The following C2orf92 variants were observed in gnomAD, a reference collection of about 807,000 sequenced individuals.
C2orf92 encodes the protein chromosome 2 open reading frame 92.
At chr2:97,664,011 G>C (rs1675113765), upstream of C2orf92, 1 of 501,206 alleles carries the variant, frequency 2.0e-6, no homozygotes, top group Non-Finnish European at 3.0e-6. Flanking sequence ...CCCTCCCCGA[G>C]CCTGCAGCCT....
rs767094728 is a variant in C2orf92, at chr2:97,699,089, A to G, written c.467A>G (p.Gln156Arg). The G allele has an allele frequency of 5.0e-6, 2 of 398,620 alleles. No homozygotes were observed. Among genetic ancestry groups the G allele is most frequent in the Non-Finnish European group, 8.8e-6 (2 of 226,066 alleles). 24.7% of individuals were successfully genotyped at this position (398,620 alleles called of 1,614,324 possible). The change falls in exon 6 of 8, where the codon CAG becomes CGG. Residue 156 changes from glutamine to arginine, a missense_variant. Gln to Arg is a conservative substitution (Grantham distance 43, BLOSUM62 1). Transcript: ENST00000627399. ...SCLFDRDLRE[Q>R]LTTIDKETLQ... is the part of the protein sequence containing the mutation. The stretch of plus-strand genomic sequence containing the variant: ...CTGTTCGACAGGGATTTAAGAGAGC[A>G]GTTAACTACTATAGATAAAGAAACA...
intron 1 of C2orf92, chr2:97,672,166 G>C (rs1675437949): frequency 6.6e-6 from 1 of 151,888 alleles, no homozygotes; most frequent in Non-Finnish European, 1.5e-5. Flanking sequence ...CAGGAGTGAA[G>C]GTTGAGGGTC....
upstream of C2orf92, chr2:97,664,015 G>T: frequency 2.1e-6 from 1 of 472,486 alleles, no homozygotes; most frequent in Non-Finnish European, 3.2e-6. Flanking sequence ...CCCCGAGCCT[G>T]CAGCCTACGC....
intron 5 of C2orf92, among the ~76,000 whole-genome samples, 190 bp downstream of exon 5, chr2:97,690,517 A>C (rs1354221511): frequency 6.6e-6 from 1 of 151,552 alleles, no homozygotes. Context: ...AGTAGCTGTG[A>C]CTATGGGGGC....
chr2:97,678,856 T>C (rs187978729), intron 3 of C2orf92, among the ~76,000 whole-genome samples: 1 of 149,666 alleles, frequency 6.7e-6, no homozygotes, highest in Admixed American at 6.6e-5. Flanking sequence ...TGCACACCTG[T>C]AGTCCCAGCT....
chr2:97,700,319 G>A (rs996442103), intron 6 of C2orf92, among the ~76,000 whole-genome samples: 1 of 152,158 alleles, frequency 6.6e-6, no homozygotes, highest in African/African-American at 2.4e-5. Flanking sequence ...CTACACACAC[G>A]AGGCAGATTG....
intron 3 of C2orf92, among the ~76,000 whole-genome samples, chr2:97,677,933 G>A (rs1675635482): frequency 6.6e-6 from 1 of 152,170 alleles, no homozygotes; most frequent in South Asian, 2.1e-4. Flanking sequence ...TGAATACTTG[G>A]CACATGCCTG....
At chr2:97,686,527 C>T (rs1301189114) in intron 3 of C2orf92, among the ~76,000 whole-genome samples, 1 of 152,056 alleles carries the variant, frequency 6.6e-6, no homozygotes, top group East Asian at 1.9e-4. Context: ...TCAAGCGATT[C>T]TCTTGCCTCA....
chr2:97,680,603 T>G (rs1407843483), intron 3 of C2orf92, among the ~76,000 whole-genome samples: 1 of 152,142 alleles, frequency 6.6e-6, no homozygotes, highest in African/African-American at 2.4e-5. Context: ...GTTGGAGACT[T>G]CAGTATCCTC....
In C2orf92 at chr2:97,694,284, G is replaced by A. The variant is rs192257003; in HGVS notation, c.403+3957G>A. On this transcript the variant is annotated intron_variant, in intron 5 of 7. Transcript: ENST00000627399. ...TTTTGAGACAGAGCCTCACTCTATC[G>A]CCCAGGCTGCAGTGGCGCGATCTTG... 2.2e-3 allele frequency among the ~76,000 whole-genome samples: 320 copies of A among 142,580 alleles called. 6 individuals are homozygous for A. In the East Asian group the frequency reaches 0.024, roughly 11 times the overall value. The allele number at this position is 142,580 out of a possible 152,430, so 93.5% of individuals were successfully genotyped here. A position where few individuals can be genotyped will look rare whatever the true frequency, so the allele number is the denominator to read the frequency against.
At chr2:97,694,847 C>G (rs1390072264) in intron 5 of C2orf92, among the ~76,000 whole-genome samples, 2 of 152,134 alleles carry the variant, frequency 1.3e-5, no homozygotes, top group African/African-American at 4.8e-5. Context: ...GCATTCCTAC[C>G]AACAGCACAC....
chr2:97,666,156 C>T (rs1044402323), upstream of C2orf92, among the ~76,000 whole-genome samples: 5 of 151,932 alleles, frequency 3.3e-5, no homozygotes, highest in African/African-American at 1.2e-4. Flanking sequence ...GGATTTTGTC[C>T]TTGCAGGCAT....
chr2:97,702,687 G>A lies in C2orf92; in HGVS notation c.684G>A (p.Thr228=), dbSNP rs767870222. 1.0e-5 allele frequency: 4 copies of A among 398,804 alleles called. No individual in the cohort carries two copies. Among genetic ancestry groups the A allele is most frequent in the South Asian group, 1.3e-4 (1 of 7,850 alleles). 24.7% of individuals were successfully genotyped at this position (398,804 alleles called of 1,614,324 possible). A position where few individuals can be genotyped will look rare whatever the true frequency, so the allele number is the denominator to read the frequency against. ...KKQPSSPLAN[T]TYNIFIMDGK... ...GTTTTAGATCTCCTCTGGCAAACAC[G>A]ACATATAATATTTTTATAATGGATG... Residue 228 remains threonine, a synonymous_variant, in exon 8 of 8, where the codon ACG becomes ACA. Transcript: ENST00000627399.
intron 3 of C2orf92, among the ~76,000 whole-genome samples, chr2:97,676,879 C>T (rs1224285582): frequency 6.6e-6 from 1 of 152,160 alleles, no homozygotes; most frequent in Non-Finnish European, 1.5e-5. Flanking sequence ...TGATTCTAGG[C>T]TGTGACTCAT....
intron 1 of C2orf92, among the ~76,000 whole-genome samples, chr2:97,674,013 T>A (rs1190674885): frequency 6.6e-6 from 1 of 152,186 alleles, no homozygotes; most frequent in Non-Finnish European, 1.5e-5. Flanking sequence ...CTGGCTGCAA[T>A]TTCCTGAAAA....
chr2:97,668,983 C>T (rs1402131195), upstream of C2orf92: 2 of 151,762 alleles, frequency 1.3e-5, no homozygotes, highest in Non-Finnish European at 2.9e-5. Flanking sequence ...AGTTTTTACC[C>T]CTAAAAGATA....
chr2:97,702,924 T>C lies in C2orf92; in HGVS notation c.*123T>C, dbSNP rs887582213. On this transcript the variant is annotated 3_prime_UTR_variant, in exon 8 of 8. Coordinates refer to ENST00000627399, the MANE Select transcript of C2orf92 (RefSeq NM_001351368.2). ...AGGTGTATTCTACAAAAACGTCTGC[T>C]TCCCATCCCAATTTGAATGGACCAA... The C allele has an allele frequency of 5.0e-6, 2 of 396,504 alleles. No homozygotes were observed. Among genetic ancestry groups the C allele is most frequent in the Non-Finnish European group, 8.9e-6 (2 of 225,134 alleles). The allele number at this position is 396,504 out of a possible 1,614,324, so 24.6% of individuals were successfully genotyped here. A position where few individuals can be genotyped will look rare whatever the true frequency, so the allele number is the denominator to read the frequency against.
chr2:97,693,246 T>C (rs1428493140), intron 5 of C2orf92, among the ~76,000 whole-genome samples: 1 of 152,236 alleles, frequency 6.6e-6, no homozygotes, highest in East Asian at 1.9e-4. Context: ...ACACTTGGGT[T>C]GCTCTCACAT....
At chr2:97,694,482 G>T (rs1367101124) in intron 5 of C2orf92, 12 of 148,570 alleles carry the variant, frequency 8.1e-5, no homozygotes, top group African/African-American at 2.8e-4. Context: ...GGATGGTCTC[G>T]ATCTCCTGAC....
Sources: gnomAD v4.1 joint callset for allele counts (sites outside exome capture counted in the v4.1 genomes callset) on GRCh38, gnomAD v4.1.1 for gene constraint, MANE v1.5 for transcripts, NCBI Gene and HGNC (gene_info 2026-07-23, HGNC 2026-07-21) for gene names.